TMEM106B: variants seen among roughly 807,000 people sequenced by gnomAD.
TMEM106B encodes the protein transmembrane protein 106B.
Under a neutral mutation model 31.1 loss-of-function variants are expected in TMEM106B, and 15 were observed. The ratio of observed to expected loss-of-function variants is 0.48; its 90% CI spans 0.32 to 0.74. TMEM106B has a LOEUF of 0.74. TMEM106B is among the 30% of genes least tolerant of loss of function. The pLI is 0.03. For missense variants in TMEM106B, 283 were observed against 327.3 expected (o/e 0.86, Z 1.04); for synonymous variants, 126 against 112.5 (o/e 1.12, Z -0.76).
At chr7:12,224,169 G>T in intron 3 of TMEM106B, 57 bp from the exon 4 acceptor site, 1 of 1,496,656 alleles carries the variant, frequency 6.7e-7, no homozygotes, top group Non-Finnish European at 9.2e-7. Flanking sequence ...CTTCTCTAAT[G>T]TTGTGTTATA....
chr7:12,231,178 C>T (rs2128527761), intron 7 of TMEM106B, 63 bp downstream of exon 7: 2 of 1,266,396 alleles, frequency 1.6e-6, no homozygotes, highest in Non-Finnish European at 2.3e-6. Flanking sequence ...ATAACATTGG[C>T]TTATAATATA....
At chr7:12,224,015 C>T (rs116565082) in intron 3 of TMEM106B, among the ~76,000 whole-genome samples, 3,163 of 152,114 alleles carry the variant, frequency 0.021, 115 homozygotes, top group African/African-American at 0.072. Flanking sequence ...CACCGCATCC[C>T]GCCGATTTCA....
Position 12,233,326 on chromosome 7 carries a change from G to A in TMEM106B, c.*1351G>A, listed in dbSNP as rs1311655161. 1 of 148,584 alleles carries A rather than the reference G, an allele frequency of 6.7e-6. No homozygotes were observed. The highest frequency in any genetic ancestry group is 2.5e-5 in the African/African-American group (1 of 40,382). 9.2% of individuals were successfully genotyped at this position (148,584 alleles called of 1,614,324 possible). ...AGGAGTGGTTATGATACCAAAAAAT[G>A]TAGCTGGGTTGAGATTAATTTCGTT... On this transcript the variant is annotated 3_prime_UTR_variant, in exon 8 of 8. Coordinates refer to ENST00000396668, the MANE Select transcript of TMEM106B (RefSeq NM_001134232.2).
intron 2 of TMEM106B, among the ~76,000 whole-genome samples, chr7:12,218,239 CTTTTT>C (rs11291359): frequency 7.5e-6 from 1 of 133,378 alleles, no homozygotes; most frequent in Admixed American, 7.5e-5. Context: ...ATTTGTTATA[CTTTTT>C]TTTTTTTTTT....
intron 2 of TMEM106B, among the ~76,000 whole-genome samples, chr7:12,217,237 TG>T (rs1309030140): frequency 6.6e-6 from 1 of 152,146 alleles, no homozygotes; most frequent in African/African-American, 2.4e-5. Context: ...GGTTTATTCT[TG>T]GTAATAAAAG....
intron 4 of TMEM106B, among the ~76,000 whole-genome samples, 176 bp from the exon 5 acceptor site, chr7:12,229,503 A>T (rs931257846): frequency 2.0e-4 from 30 of 152,270 alleles, no homozygotes; most frequent in Admixed American, 1.7e-3. Context: ...GGCATATTAC[A>T]TACATAGTAC....
chr7:12,229,873 A>T (rs764519827), intron 5 of TMEM106B, 54 bp downstream of exon 5: 2 of 1,532,524 alleles, frequency 1.3e-6, no homozygotes, highest in South Asian at 2.5e-5. Context: ...TCAGCTTTGT[A>T]TATCATATAA....
intron 4 of TMEM106B, among the ~76,000 whole-genome samples, chr7:12,226,114 A>G (rs1483368037): frequency 7.0e-6 from 1 of 143,338 alleles, no homozygotes; most frequent in Non-Finnish European, 1.5e-5. Flanking sequence ...TCCCAGGACC[A>G]TTTATTAAAT....
Position 12,230,419 on chromosome 7 carries a change from G to T in TMEM106B, c.613G>T (p.Glu205Ter). 6.3e-7 allele frequency: 1 copy of T among 1,599,988 alleles called. No homozygotes were observed. Among genetic ancestry groups the T allele is most frequent in the Admixed American group, 1.7e-5 (1 of 58,682 alleles). The change falls in exon 6 of 8, where the codon GAG becomes TAG. Residue 205 changes from glutamate to a stop codon, truncating the protein, a stop_gained. Coordinates refer to ENST00000396668, the MANE Select transcript of TMEM106B (RefSeq NM_001134232.2). LOFTEE classifies it high-confidence loss of function. ...IDYTVPTVIA[E>*]EMSYMYDFCT... ...TTACACAGTACCTACCGTTATAGCA[G>T]AGGAAATGAGTTATATGTAGTAAGT...
rs1267260743 is a variant in TMEM106B at position 12,216,314 on chromosome 7, T to C, written c.217+1287T>C. On this transcript the variant is annotated intron_variant, in intron 2 of 7. Transcript: ENST00000396668. The stretch of plus-strand genomic sequence containing the variant: ...TGGAAAGTAGGAAATCAAGGATGAC[T>C]CCAGAGTTTTTTTGGGGGGGTTTGT... 5.9e-5 allele frequency among the ~76,000 whole-genome samples: 9 copies of C among 152,050 alleles called. No homozygotes were observed. The South Asian group carries it at 1.9e-3, about 32-fold the overall frequency.
rs1475483889 is a variant in TMEM106B, at chr7:12,237,808, TATATACATACACACACACAC to T, written c.*5835_*5854del. The T allele has an allele frequency of 2.4e-5, 2 of 84,930 alleles. No homozygotes were observed. Among genetic ancestry groups the T allele is most frequent in the African/African-American group, 9.9e-5 (2 of 20,138 alleles). 5.3% of individuals were successfully genotyped at this position (84,930 alleles called of 1,614,324 possible). ...CAACATGGCGAGACCCCATATAAAA[TATATACATACACACACACAC>T]ACACACACACACACACACACACACA... On this transcript the variant is annotated 3_prime_UTR_variant, in exon 8 of 8. Coordinates refer to ENST00000396668, the MANE Select transcript of TMEM106B (RefSeq NM_001134232.2).
intron 1 of TMEM106B, 85 bp downstream of exon 1, chr7:12,211,510 A>G (rs1781573668): frequency 6.6e-6 from 1 of 152,622 alleles, no homozygotes; most frequent in Non-Finnish European, 1.5e-5. Context: ...CGGGCCTGAC[A>G]AGGAGGGGAG....
At position 12,241,859 on chromosome 7, in the gene TMEM106B, C is replaced by T. The variant is rs901019876; in HGVS notation, c.*9884C>T. On this transcript the variant is annotated 3_prime_UTR_variant, in exon 8 of 8. Transcript: ENST00000396668. ...TCCACAATGGTTGCAATTTACACTC[C>T]CACCAACAGTGTGTAAAAGCTTCCT... 1.3e-5 allele frequency: 2 copies of T among 152,104 alleles called. No individual in the cohort carries two copies. The highest frequency in any genetic ancestry group is 2.9e-5 in the Non-Finnish European group (2 of 68,022). The allele number at this position is 152,104 out of a possible 1,614,324, so 9.4% of individuals were successfully genotyped here.
chr7:12,215,256 A>T (rs572204100), intron 2 of TMEM106B, among the ~76,000 whole-genome samples: 2 of 152,280 alleles, frequency 1.3e-5, no homozygotes, highest in East Asian at 3.9e-4. Flanking sequence ...GTATTTTTTC[A>T]TTCCCACCTG....
intron 2 of TMEM106B, among the ~76,000 whole-genome samples, chr7:12,216,628 C>T (rs1347707320): frequency 2.0e-5 from 3 of 151,998 alleles, no homozygotes; most frequent in Admixed American, 6.6e-5. Flanking sequence ...GAGACCCTAG[C>T]GAATCCTGAG....
In TMEM106B at chr7:12,224,364, T is replaced by G. The variant is rs140753733; in HGVS notation, c.420T>G (p.Arg140=). The change falls in exon 4 of 8, where the codon CGT becomes CGG. Residue 140 remains arginine (R), a synonymous_variant. Transcript: ENST00000396668. ...SAYVSYDVQK[R]TIYLNITNTL... ...ATGTCAGTTATGATGTTCAGAAGCG[T>G]ACAATTTATTTAAATATCACAGTGA... 116 of 1,609,040 alleles carry G rather than the reference T, an allele frequency of 7.2e-5. No individual in the cohort carries two copies. The highest frequency in any genetic ancestry group is 7.9e-5 in the Non-Finnish European group (93 of 1,176,412).
chr7:12,217,651 G>C (rs1562703426), intron 2 of TMEM106B, among the ~76,000 whole-genome samples: 1 of 152,282 alleles, frequency 6.6e-6, no homozygotes, highest in Non-Finnish European at 1.5e-5. Context: ...CAAAGATACA[G>C]ATATCCATGT....
At chr7:12,230,268 T>C in intron 5 of TMEM106B, 121 bp from the exon 6 acceptor site, 1 of 774,236 alleles carries the variant, frequency 1.3e-6, no homozygotes, top group South Asian at 1.5e-5. Context: ...CAAGATGAAA[T>C]CTTTGAGAAT....
chr7:12,235,628 A>G lies in TMEM106B; in HGVS notation c.*3653A>G, dbSNP rs894995200. 2 of 151,712 alleles carry G rather than the reference A, an allele frequency of 1.3e-5. No homozygotes were observed. The highest frequency in any genetic ancestry group is 3.0e-5 in the Non-Finnish European group (2 of 67,782). 9.4% of individuals were successfully genotyped at this position (151,712 alleles called of 1,614,324 possible). On this transcript the variant is annotated 3_prime_UTR_variant, in exon 8 of 8. Transcript: ENST00000396668. Reference sequence around the variant, plus strand: ...CCTTATTATTGTGATATAATTCTAGATATTTTCTTGGAGGGCATGTGCCCA... The same window carrying G: ...CCTTATTATTGTGATATAATTCTAGGTATTTTCTTGGAGGGCATGTGCCCA...
Sources: gnomAD v4.1 joint callset for allele counts (sites outside exome capture counted in the v4.1 genomes callset) on GRCh38, gnomAD v4.1.1 for gene constraint, MANE v1.5 for transcripts, NCBI Gene and HGNC (gene_info 2026-07-23, HGNC 2026-07-21) for gene names.